The following ABCB5 variants were observed in gnomAD, a reference collection of about 807,000 sequenced individuals.
ABCB5 encodes ATP binding cassette subfamily B member 5.
ABCB5 carries 155 observed loss-of-function variants against 144.2 expected under a neutral mutation model. The ratio of observed to expected loss-of-function variants is 1.08; its 90% CI spans 0.94 to 1.23. ABCB5 has a LOEUF of 1.23. Among genes scored for constraint, ABCB5 ranks in the 50% most tolerant of loss-of-function variants. The pLI is 0.00. For missense variants in ABCB5, 1,830 were observed against 1,520.8 expected, an observed-to-expected ratio of 1.20 and a Z score of -3.38; for synonymous variants, 610 against 528.6, an observed-to-expected ratio of 1.15 and a Z score of -2.11.
intron 20 of ABCB5, 56 bp from the exon 21 acceptor site, chr7:20,722,960 C>G: frequency 1.3e-6 from 2 of 1,510,414 alleles, no homozygotes; most frequent in South Asian, 2.3e-5. Context: ...ATAATAGGAA[C>G]TCTTGTAAAT....
chr7:20,624,936 C>T (rs1038350097), intron 2 of ABCB5, among the ~76,000 whole-genome samples: 1 of 151,760 alleles, frequency 6.6e-6, no homozygotes, highest in Non-Finnish European at 1.5e-5. Flanking sequence ...AACCCGCCCA[C>T]CTGCCCACAT....
intron 26 of ABCB5, among the ~76,000 whole-genome samples, chr7:20,748,320 A>G: frequency 6.6e-6 from 1 of 152,034 alleles, no homozygotes. Flanking sequence ...AAAAGTGAAC[A>G]TGAATCTTGT....
intron 4 of ABCB5, among the ~76,000 whole-genome samples, chr7:20,629,439 G>A (rs895115390): frequency 2.0e-5 from 3 of 152,118 alleles, no homozygotes; most frequent in African/African-American, 7.2e-5. Flanking sequence ...GGCCATCCCA[G>A]GCCACTAGGA....
At chr7:20,733,182 C>CATTATTATT (rs374670890) in intron 23 of ABCB5, among the ~76,000 whole-genome samples, 23 of 151,108 alleles carry the variant, frequency 1.5e-4, no homozygotes, top group East Asian at 5.8e-4. Flanking sequence ...ACTCAACGTA[C>CATTATTATT]ATTATTATTA....
At chr7:20,645,634 A>G in intron 7 of ABCB5, 122 bp from the exon 8 acceptor site, 2 of 1,234,020 alleles carry the variant, frequency 1.6e-6, no homozygotes, top group Middle Eastern at 2.5e-4. Flanking sequence ...TTAAAAATAC[A>G]GAGATAAAGT....
rs1191412405 is a variant in ABCB5, at chr7:20,745,404, C to T, written c.3395C>T (p.Ala1132Val). 6.2e-7 allele frequency: 1 copy of T among 1,614,042 alleles called. No individual in the cohort carries two copies. Among genetic ancestry groups the T allele is most frequent in the Non-Finnish European group, 8.5e-7 (1 of 1,180,040 alleles). ...LDEIKEAANA[A>V]NIHSFIEGLP... ...GAGATCAAAGAAGCCGCAAATGCAGCAAATATCCATTCTTTTATTGAAGGT... is the reference window on the plus strand; with the variant it reads ...GAGATCAAAGAAGCCGCAAATGCAGTAAATATCCATTCTTTTATTGAAGGT... Residue 1132 changes from alanine (A) to valine (V), a missense_variant, in exon 26 of 28, where the codon GCA (alanine) becomes GTA (valine). Coordinates refer to ENST00000404938, the MANE Select transcript of ABCB5 (RefSeq NM_001163941.2).
At chr7:20,634,505 G>A (rs34259677) in intron 5 of ABCB5, among the ~76,000 whole-genome samples, 51,198 of 151,704 alleles carry the variant, frequency 0.34, 8,755 homozygotes, top group African/African-American at 0.39. Context: ...ACTAATTTAC[G>A]TTACCCCCAA....
At chr7:20,642,024 C>T (rs1784306269) in intron 5 of ABCB5, 1 of 152,288 alleles carries the variant, frequency 6.6e-6, no homozygotes, top group Admixed American at 6.6e-5. Flanking sequence ...CCATTCTTCT[C>T]ACCTTGGCCA....
At chr7:20,667,455 C>T in intron 14 of ABCB5, 3 of 985,270 alleles carry the variant, frequency 3.0e-6, no homozygotes, top group Non-Finnish European at 3.6e-6. Flanking sequence ...TAGTTGCAAC[C>T]TTTTAATTGT....
chr7:20,669,235 G>A (rs1349128930), intron 14 of ABCB5, among the ~76,000 whole-genome samples: 7 of 144,156 alleles, frequency 4.9e-5, no homozygotes, highest in Admixed American at 2.1e-4. Context: ...GTGCCCAGCG[G>A]CTCATTGGGG....
chr7:20,628,613 T>TTG (rs3033483), intron 3 of ABCB5, 75 bp from the exon 4 acceptor site: 304,343 of 1,329,096 alleles, frequency 0.23, 16,877 homozygotes, highest in Non-Finnish European at 0.25. Context: ...CTGTAGGCTG[T>TTG]TGTGTGTGTG....
chr7:20,630,242 G>GA (rs1784009986), intron 4 of ABCB5, among the ~76,000 whole-genome samples: 1 of 151,938 alleles, frequency 6.6e-6, no homozygotes, highest in Admixed American at 6.6e-5. Context: ...TTATAACTGG[G>GA]AAAAATAACT....
At chr7:20,626,819 C>T (rs193265792) in intron 3 of ABCB5, among the ~76,000 whole-genome samples, 24 of 151,444 alleles carry the variant, frequency 1.6e-4, no homozygotes, top group Non-Finnish European at 2.4e-4. Flanking sequence ...GCATAACATC[C>T]ACATAATGAC....
chr7:20,722,959 A>G lies in ABCB5; in HGVS notation c.2422-57A>G, dbSNP rs1035868907. The G allele has an allele frequency of 2.0e-6, 3 of 1,492,006 alleles. No individual in the cohort carries two copies. In the African/African-American group the frequency reaches 4.1e-5, roughly 21 times the overall value. 92.4% of individuals were successfully genotyped at this position (1,492,006 alleles called of 1,614,324 possible). On this transcript the variant is annotated intron_variant, in intron 20 of 27. Transcript: ENST00000404938. ...TGTTTTGCAAGGAACTATAATAGGA[A>G]CTCTTGTAAATGTAAAGTTAATTGA...
intron 9 of ABCB5, 85 bp downstream of exon 9, chr7:20,646,223 A>C: frequency 7.9e-7 from 1 of 1,267,886 alleles, no homozygotes; most frequent in Non-Finnish European, 1.1e-6. Context: ...GAAGATAAAT[A>C]TTCAAAGATG....
chr7:20,670,803 G>A (rs1376227671), intron 14 of ABCB5, among the ~76,000 whole-genome samples: 2 of 152,344 alleles, frequency 1.3e-5, no homozygotes, highest in South Asian at 2.1e-4. Flanking sequence ...CAGCTACTTG[G>A]GAGGCTGAGG....
chr7:20,651,740 A>G (rs1406759602), intron 13 of ABCB5, 117 bp downstream of exon 13: 7 of 1,118,172 alleles, frequency 6.3e-6, no homozygotes, highest in South Asian at 1.5e-5. Flanking sequence ...TAAATTCTGG[A>G]TTGTCCTAGA....
At chr7:20,677,141 T>C (rs1264783354) in intron 14 of ABCB5, among the ~76,000 whole-genome samples, 2 of 152,204 alleles carry the variant, frequency 1.3e-5, no homozygotes, top group Non-Finnish European at 2.9e-5. Flanking sequence ...CTTAGTCTGT[T>C]GTTCATAAAA....
Position 20,681,026 on chromosome 7 carries a change from CTTTCTT to C in ABCB5, c.1708-477_1708-472del, listed in dbSNP as rs1361491154. ...TCTTTCTTTCTTTCTTTCTTTCTTT[CTTTCTT>C]TCTCTTTCTTTCTTTCTCTCTCTCT... On this transcript the variant is annotated intron_variant, in intron 14 of 27. Coordinates refer to ENST00000404938, the MANE Select transcript of ABCB5 (RefSeq NM_001163941.2). Among the ~76,000 whole-genome samples the C allele has an allele frequency of 8.5e-3, 616 of 72,532 alleles. 64 individuals carry two copies. Among genetic ancestry groups the C allele is most frequent in the African/African-American group, 0.05 (591 of 11,916 alleles). 47.6% of individuals were successfully genotyped at this position (72,532 alleles called of 152,430 possible).
Sources: allele counts gnomAD v4.1 joint callset (sites outside exome capture counted in the v4.1 genomes callset), GRCh38; gene constraint gnomAD v4.1.1; transcripts MANE v1.5; gene names NCBI Gene and HGNC (gene_info 2026-07-23, HGNC 2026-07-21).